Variants in NEIL3 observed in about 807,000 individuals in gnomAD.
The protein encoded by NEIL3 is endonuclease 8-like 3.
Under a neutral mutation model 57.5 loss-of-function variants are expected in NEIL3, and 48 were observed. The ratio of observed to expected loss-of-function variants is 0.83; its 90% CI spans 0.66 to 1.06. NEIL3 has a LOEUF of 1.06. NEIL3 is among the 50% of genes least tolerant of loss of function. The pLI is 0.00. For missense variants in NEIL3, 717 were observed against 739.1 expected, an observed-to-expected ratio of 0.97 and a Z score of 0.35; for synonymous variants, 261 against 253.2, an observed-to-expected ratio of 1.03 and a Z score of -0.29.
chr4:177,334,465 A>G (rs1438579533), intron 2 of NEIL3, among the ~76,000 whole-genome samples: 6 of 152,106 alleles, frequency 3.9e-5, no homozygotes, highest in Admixed American at 3.3e-4. Flanking sequence ...GAGATTTTTT[A>G]TGTGGATGTG....
In NEIL3 at chr4:177,341,471, T is replaced by G. The variant is rs1735089688; in HGVS notation, c.703-5T>G. 6.4e-7 allele frequency: 1 copy of G among 1,558,494 alleles called. No homozygotes were observed. The highest frequency in any genetic ancestry group is 8.6e-7 in the Non-Finnish European group (1 of 1,158,092). On this transcript the variant is annotated splice_polypyrimidine_tract_variant and splice_region_variant and intron_variant, in intron 5 of 9. Coordinates refer to ENST00000264596, the MANE Select transcript of NEIL3 (RefSeq NM_018248.3). ...ACAGAATTTTTTGGTTTTTTTTTTTTTTAGTGCCGTAAAGCAGGACTTGCT... is the reference window on the plus strand; with the variant it reads ...ACAGAATTTTTTGGTTTTTTTTTTTGTTAGTGCCGTAAAGCAGGACTTGCT...
Position 177,335,780 on chromosome 4 carries a change from C to T in NEIL3, c.371C>T (p.Thr124Ile). ...TCTCCTGTTTTGGAAGTGCAGCTCA[C>T]CAAAGATTTGATTTGTTTCTTTGAC... ...GASPVLEVQL[T>I]KDLICFFDSS... is the part of the protein sequence containing the mutation. The change falls in exon 3 of 10, where the codon ACC becomes ATC. Residue 124 changes from threonine to isoleucine, a missense_variant. Thr to Ile is a moderately conservative substitution (Grantham distance 89). Transcript: ENST00000264596. 1 of 1,581,452 alleles carries T rather than the reference C, an allele frequency of 6.3e-7. No homozygotes were observed. The highest frequency in any genetic ancestry group is 8.6e-7 in the Non-Finnish European group (1 of 1,167,846).
intron 8 of NEIL3, among the ~76,000 whole-genome samples, chr4:177,357,997 A>T (rs1157530841): frequency 6.6e-6 from 1 of 152,202 alleles, no homozygotes; most frequent in Non-Finnish European, 1.5e-5. Context: ...GTTAATCAGA[A>T]CATTTAATTA....
At chr4:177,334,123 A>G (rs1734932117) in intron 2 of NEIL3, among the ~76,000 whole-genome samples, 1 of 150,796 alleles carries the variant, frequency 6.6e-6, no homozygotes, top group Non-Finnish European at 1.5e-5. Context: ...TTTATGTAAT[A>G]TGGGCCTATG....
chr4:177,364,788 C>T (rs1305091532), downstream of NEIL3, among the ~76,000 whole-genome samples: 6 of 151,950 alleles, frequency 3.9e-5, no homozygotes, highest in Non-Finnish European at 5.9e-5. Flanking sequence ...ATTAGCTGGG[C>T]GTGGTGGCTC....
At position 177,334,754 on chromosome 4, in the gene NEIL3, C is replaced by T. The variant is rs927188698; in HGVS notation, c.279-934C>T. ...TTGTACAATACTATAACATGGTGCT[C>T]CGCAATTAGAAGCACAGAGCAGTAG... On this transcript the variant is annotated intron_variant, in intron 2 of 9. Transcript: ENST00000264596. 1.1e-4 allele frequency among the ~76,000 whole-genome samples: 17 copies of T among 152,224 alleles called. 1 individual carries two copies. The highest frequency in any genetic ancestry group is 4.1e-4 in the South Asian group (2 of 4,824).
chr4:177,315,578 A>G (rs977657973), intron 1 of NEIL3, among the ~76,000 whole-genome samples: 2 of 152,202 alleles, frequency 1.3e-5, no homozygotes, highest in Admixed American at 1.3e-4. Flanking sequence ...GGGCAGCAAA[A>G]GCTTGTAGAG....
At chr4:177,360,698 G>A in intron 9 of NEIL3, 21 bp downstream of exon 9, 2 of 1,547,032 alleles carry the variant, frequency 1.3e-6, no homozygotes. Context: ...GATTTATCTA[G>A]CTTACTAAAA....
downstream of NEIL3, among the ~76,000 whole-genome samples, chr4:177,365,554 A>C (rs1735682856): frequency 6.6e-6 from 1 of 152,202 alleles, no homozygotes; most frequent in African/African-American, 2.4e-5. Context: ...GACTAAGAAA[A>C]AGAAAAAAAA....
intron 4 of NEIL3, among the ~76,000 whole-genome samples, chr4:177,338,180 G>A (rs1735016078): frequency 6.6e-6 from 1 of 152,194 alleles, no homozygotes; most frequent in Admixed American, 6.5e-5. Context: ...TTGGATGTAT[G>A]TAAGTTTTAA....
chr4:177,331,116 C>T (rs923777165), intron 2 of NEIL3, among the ~76,000 whole-genome samples: 7 of 152,052 alleles, frequency 4.6e-5, no homozygotes, highest in Non-Finnish European at 1.0e-4. Context: ...TACTCTAGAA[C>T]TAAAGTAAAA....
downstream of NEIL3, among the ~76,000 whole-genome samples, chr4:177,363,844 G>A (rs1013860820): frequency 1.1e-4 from 16 of 151,988 alleles, no homozygotes; most frequent in Non-Finnish European, 1.6e-4. Context: ...TCAACCTGTC[G>A]GACTCAAGCG....
intron 2 of NEIL3, among the ~76,000 whole-genome samples, chr4:177,324,950 C>CAGAT (rs56773423): frequency 0.21 from 31,510 of 149,292 alleles, 3,903 homozygotes; most frequent in African/African-American, 0.36. Flanking sequence ...ATTTAAAAAA[C>CAGAT]AGATAGATAG....
Position 177,341,485 on chromosome 4 carries a change from G to A in NEIL3, c.712G>A (p.Ala238Thr), listed in dbSNP as rs745932242. ...TTTTTTTTTTTTTTAGTGCCGTAAA[G>A]CAGGACTTGCTCTCTCTAAACACTA... ...FSILFYRCRK[A>T]GLALSKHYKV... The change falls in exon 6 of 10, where the codon GCA becomes ACA. Residue 238 changes from alanine (A) to threonine (T), a missense_variant. By Grantham distance (58) the Ala-to-Thr change is moderately conservative. Coordinates refer to ENST00000264596, the MANE Select transcript of NEIL3 (RefSeq NM_018248.3). 9 of 1,567,996 alleles carry A rather than the reference G, an allele frequency of 5.7e-6. No individual in the cohort carries two copies. Among genetic ancestry groups the A allele is most frequent in the African/African-American group, 1.4e-5 (1 of 71,880 alleles).
chr4:177,344,515 A>G (rs1179182839), intron 6 of NEIL3, among the ~76,000 whole-genome samples: 2 of 152,024 alleles, frequency 1.3e-5, no homozygotes, highest in African/African-American at 4.8e-5. Flanking sequence ...TCTACTGATC[A>G]TATCACACTT....
chr4:177,329,360 C>T (rs1304201599), intron 2 of NEIL3, among the ~76,000 whole-genome samples: 2 of 151,492 alleles, frequency 1.3e-5, no homozygotes, highest in African/African-American at 4.9e-5. Context: ...ATAAGAAAAC[C>T]ACTTAAAATA....
intron 6 of NEIL3, among the ~76,000 whole-genome samples, chr4:177,343,893 C>T (rs1170963316): frequency 6.6e-6 from 1 of 151,904 alleles, no homozygotes; most frequent in Admixed American, 6.6e-5. Flanking sequence ...TAACTAGATA[C>T]TGCGTTGAAC....
chr4:177,339,415 C>A (rs139285926), intron 4 of NEIL3, among the ~76,000 whole-genome samples: 2 of 152,256 alleles, frequency 1.3e-5, no homozygotes, highest in East Asian at 3.9e-4. Flanking sequence ...TATGATGATG[C>A]TGCTGCACTC....
At position 177,324,842 on chromosome 4, in the gene NEIL3, G is replaced by C. The variant is rs1382493627; in HGVS notation, c.278+2262G>C. 2.0e-5 allele frequency among the ~76,000 whole-genome samples: 3 copies of C among 152,080 alleles called. No homozygotes were observed. In the East Asian group the frequency reaches 5.8e-4, roughly 29 times the overall value. ...CATACAATGCCACATTGCCAGTATA[G>C]TGTGTGCGAATGTTTATATGCATGT... On this transcript the variant is annotated intron_variant, in intron 2 of 9. Transcript: ENST00000264596.
Sources: allele counts gnomAD v4.1 joint callset (sites outside exome capture counted in the v4.1 genomes callset), GRCh38; gene constraint gnomAD v4.1.1; transcripts MANE v1.5; gene names NCBI Gene and HGNC (gene_info 2026-07-23, HGNC 2026-07-21).